Variants in PPP2R2C observed in about 807,000 individuals in gnomAD.
The protein encoded by PPP2R2C is protein phosphatase 2, regulatory subunit B, gamma.
In PPP2R2C, 10 loss-of-function variants were observed where a neutral mutation model predicts 45.3. That is an observed-to-expected ratio of 0.22 (90% confidence interval 0.14 to 0.37). The LOEUF is 0.37. PPP2R2C is among the 10% of genes least tolerant of loss of function. PPP2R2C has a pLI of 1.00. For missense variants in PPP2R2C, 308 were observed against 619.7 expected, an observed-to-expected ratio of 0.50 and a Z score of 5.34; for synonymous variants, 257 against 245.4, an observed-to-expected ratio of 1.05 and a Z score of -0.44.
At chr4:6,542,485 G>C (rs1267971684) in intron 1 of PPP2R2C, among the ~76,000 whole-genome samples, 1 of 152,124 alleles carries the variant, frequency 6.6e-6, no homozygotes, top group African/African-American at 2.4e-5. Context: ...CCTGAAGTCA[G>C]GAGTTCAAGA....
At chr4:6,326,412 C>T (rs776211124) in intron 8 of PPP2R2C, among the ~76,000 whole-genome samples, 2 of 152,150 alleles carry the variant, frequency 1.3e-5, no homozygotes, top group African/African-American at 4.8e-5. Context: ...CACCCGAGCA[C>T]GCTCGGCTGG....
intron 2 of PPP2R2C, among the ~76,000 whole-genome samples, chr4:6,489,366 A>T (rs190963966): frequency 1.3e-5 from 2 of 152,278 alleles, no homozygotes; most frequent in East Asian, 3.9e-4. Context: ...CTCCATTTTA[A>T]GCCCTGAACC....
chr4:6,440,089 C>T (rs1192999378), intron 1 of PPP2R2C, among the ~76,000 whole-genome samples: 3 of 152,156 alleles, frequency 2.0e-5, no homozygotes, highest in Admixed American at 6.6e-5. Flanking sequence ...CCCATCTTTT[C>T]CCAGAATTTG....
At chr4:6,390,157 C>T (rs1050363520) in intron 1 of PPP2R2C, among the ~76,000 whole-genome samples, 2 of 152,162 alleles carry the variant, frequency 1.3e-5, no homozygotes, top group African/African-American at 4.8e-5. Flanking sequence ...CAGGGGAGAG[C>T]TGCTTAGGAC....
At chr4:6,336,638 TC>T (rs1732884825) in intron 6 of PPP2R2C, among the ~76,000 whole-genome samples, 1 of 11,004 alleles carries the variant, frequency 9.1e-5, no homozygotes, top group Non-Finnish European at 1.8e-4. Context: ...CTTACTTCCC[TC>T]CCTCCCTCCC....
chr4:6,347,856 C>T lies in PPP2R2C; in HGVS notation c.780G>A (p.Lys260=), dbSNP rs1712149915. Residue 260 remains lysine (K), a synonymous_variant, in exon 6 of 9, where the codon AAG becomes AAA. Coordinates refer to ENST00000382599, the MANE Select transcript of PPP2R2C (RefSeq NM_020416.4). ...GGCACCGGCACTTACGCTTGGAATG[C>T]TTGTCACACAGGGCAGCTGCCCGCA... is the stretch of plus-strand genomic sequence containing the variant. ...CDMRAAALCD[K]HSKLFEEPED... is the part of the protein sequence containing the mutation. 6.4e-7 allele frequency: 1 copy of T among 1,558,648 alleles called. No homozygotes were observed. The highest frequency in any genetic ancestry group is 8.7e-7 in the Non-Finnish European group (1 of 1,148,272).
rs553805646 is a variant in PPP2R2C, at chr4:6,492,433, C to A, written c.49+42838G>T. On this transcript the variant is annotated intron_variant, in intron 2 of 9. Transcript: ENST00000506140. ...GTAGGGGATGCTATAAGAGCCTCCC[C>A]CCGAGTGCTCTGGCGTCTTTCTGCA... 7.9e-5 allele frequency among the ~76,000 whole-genome samples: 12 copies of A among 152,284 alleles called. No homozygotes were observed. The East Asian group carries it at 2.1e-3, about 27-fold the overall frequency.
At chr4:6,447,165 C>A (rs1720467683) in intron 1 of PPP2R2C, among the ~76,000 whole-genome samples, 1 of 152,044 alleles carries the variant, frequency 6.6e-6, no homozygotes, top group Non-Finnish European at 1.5e-5. Flanking sequence ...CCAAGGAGCC[C>A]CGGGGTCTTG....
At chr4:6,375,760 C>T in intron 4 of PPP2R2C, 59 bp downstream of exon 4, 1 of 1,386,552 alleles carries the variant, frequency 7.2e-7, no homozygotes, top group Non-Finnish European at 1.0e-6. Flanking sequence ...TTTTCCAGCC[C>T]TAAAATCCTC....
chr4:6,385,658 C>A (rs1293001798), intron 1 of PPP2R2C, among the ~76,000 whole-genome samples: 4 of 152,092 alleles, frequency 2.6e-5, no homozygotes, highest in Admixed American at 6.5e-5. Context: ...CAACCTGTAC[C>A]TCCTAGGTTC....
At position 6,372,575 on chromosome 4, in the gene PPP2R2C, C is replaced by T. The variant is rs138031809; in HGVS notation, c.573G>A (p.Ala191=). 1,317 of 1,614,084 alleles carry T rather than the reference C, an allele frequency of 8.2e-4. 1 individual carries two copies. The highest frequency in any genetic ancestry group is 1.1e-3 in the Admixed American group (69 of 60,012). Residue 191 remains alanine (A), a synonymous_variant, in exon 5 of 9, where the codon GCG becomes GCA. Transcript: ENST00000382599. The part of the protein sequence containing the change: ...VNSDCETYMS[A]DDLRINLWHL... ...GCCAGAGGTTGATGCGCAGGTCATC[C>T]GCCGACATGTAGGTCTCGCAGTCAC...
chr4:6,402,407 ATGTC>A (rs1717475007), intron 1 of PPP2R2C, among the ~76,000 whole-genome samples: 1 of 152,178 alleles, frequency 6.6e-6, no homozygotes, highest in South Asian at 2.1e-4. Flanking sequence ...CTTCCCGGTT[ATGTC>A]TCCTCAGTGT....
At chr4:6,376,668 G>T (rs891765068) in intron 3 of PPP2R2C, among the ~76,000 whole-genome samples, 3 of 152,096 alleles carry the variant, frequency 2.0e-5, no homozygotes, top group African/African-American at 7.2e-5. Context: ...TGCCCAGGCT[G>T]GTCTCAAACT....
chr4:6,440,208 G>A (rs62284504), intron 1 of PPP2R2C, among the ~76,000 whole-genome samples: 79,990 of 151,790 alleles, frequency 0.53, 22,305 homozygotes, highest in Non-Finnish European at 0.65. Context: ...CATGGAATCA[G>A]CAATCAACTG....
intron 1 of PPP2R2C, among the ~76,000 whole-genome samples, chr4:6,405,673 G>A (rs1388846854): frequency 6.6e-6 from 1 of 152,150 alleles, no homozygotes; most frequent in African/African-American, 2.4e-5. Context: ...ACAGGGGAGG[G>A]TCAGGGTCTG....
intron 2 of PPP2R2C, among the ~76,000 whole-genome samples, chr4:6,515,158 T>G (rs1723791261): frequency 6.6e-6 from 1 of 152,148 alleles, no homozygotes; most frequent in Admixed American, 6.6e-5. Flanking sequence ...CTAATACAGG[T>G]GGCGGCTGGT....
At chr4:6,369,287 G>A (rs1404387060) in intron 5 of PPP2R2C, among the ~76,000 whole-genome samples, 4 of 152,226 alleles carry the variant, frequency 2.6e-5, no homozygotes, top group African/African-American at 4.8e-5. Flanking sequence ...GAGTGCAGAC[G>A]AAGCAGTCTA....
chr4:6,506,194 CTGAT>C (rs1332556588), intron 2 of PPP2R2C, among the ~76,000 whole-genome samples: 1 of 152,032 alleles, frequency 6.6e-6, no homozygotes, highest in Non-Finnish European at 1.5e-5. Flanking sequence ...TAATGGACAA[CTGAT>C]TGAAAGAGGA....
chr4:6,408,634 T>A (rs1379171335), intron 1 of PPP2R2C, among the ~76,000 whole-genome samples: 1 of 152,060 alleles, frequency 6.6e-6, no homozygotes, highest in Non-Finnish European at 1.5e-5. Context: ...GTGGGCTTGA[T>A]TAGTATTTGG....
Sources: gnomAD v4.1 joint callset for allele counts (sites outside exome capture counted in the v4.1 genomes callset) on GRCh38, gnomAD v4.1.1 for gene constraint, MANE v1.5 for transcripts, NCBI Gene and HGNC (gene_info 2026-07-23, HGNC 2026-07-21) for gene names.